Variants in GULP1 observed in about 807,000 individuals in gnomAD.
GULP1 encodes PTB domain-containing engulfment adapter protein 1.
Under a neutral mutation model 40.9 loss-of-function variants are expected in GULP1, and 19 were observed. That is an observed-to-expected ratio of 0.46 (90% CI 0.32 to 0.68). The LOEUF is 0.68. Ranked by LOEUF, GULP1 falls within the 30% of genes least tolerant of loss-of-function variation. The pLI is 0.03. For missense variants in GULP1, 312 were observed against 362.2 expected, an observed-to-expected ratio of 0.86 and a Z score of 1.12; for synonymous variants, 119 against 117.6, an observed-to-expected ratio of 1.01 and a Z score of -0.08.
At chr2:188,453,731 A>C (rs1487956976) in intron 2 of GULP1, among the ~76,000 whole-genome samples, 1 of 152,126 alleles carries the variant, frequency 6.6e-6, no homozygotes, top group Non-Finnish European at 1.5e-5. Flanking sequence ...CCCTTACTCA[A>C]CCTCACTGCA....
intron 2 of GULP1, among the ~76,000 whole-genome samples, chr2:188,391,514 G>A (rs748978239): frequency 6.6e-6 from 1 of 151,968 alleles, no homozygotes; most frequent in Non-Finnish European, 1.5e-5. Flanking sequence ...TTTTGGAGAA[G>A]TCTTCATGGT....
At chr2:188,513,569 G>A (rs1427989653) in intron 4 of GULP1, among the ~76,000 whole-genome samples, 1 of 152,112 alleles carries the variant, frequency 6.6e-6, no homozygotes, top group African/African-American at 2.4e-5. Flanking sequence ...TCTTGGCTGT[G>A]AGGTAAAAGT....
At chr2:188,515,876 G>A (rs1248827388) in intron 4 of GULP1, among the ~76,000 whole-genome samples, 3 of 152,060 alleles carry the variant, frequency 2.0e-5, no homozygotes, top group Non-Finnish European at 2.9e-5. Flanking sequence ...GTTATCTTCT[G>A]GGGGCTTAAT....
At chr2:188,374,252 TA>T (rs2048002504) in intron 1 of GULP1, among the ~76,000 whole-genome samples, 1 of 152,238 alleles carries the variant, frequency 6.6e-6, no homozygotes, top group African/African-American at 2.4e-5. Flanking sequence ...TATTATTTGC[TA>T]ATATTAGCTC....
rs1362088690 is a variant in GULP1, at chr2:188,595,043, C to CA, written c.*1037dup. The CA allele has an allele frequency of 8.6e-6, 1 of 116,608 alleles. No individual in the cohort carries two copies. Among genetic ancestry groups the CA allele is most frequent in the African/African-American group, 3.2e-5 (1 of 31,196 alleles). The allele number at this position is 116,608 out of a possible 1,614,324, so 7.2% of individuals were successfully genotyped here. On this transcript the variant is annotated 3_prime_UTR_variant, in exon 12 of 12. Coordinates refer to ENST00000409830, the MANE Select transcript of GULP1 (RefSeq NM_016315.4). ...CAATCTGTATTTGTTTTGTTAAAGT[C>CA]AAAAATCTCATTTTCCAAAAAAAAA...
At chr2:188,517,517 TC>T (rs1004801348) in intron 4 of GULP1, among the ~76,000 whole-genome samples, 3 of 152,110 alleles carry the variant, frequency 2.0e-5, no homozygotes, top group African/African-American at 4.8e-5. Context: ...CTGTTTTTTT[TC>T]CCCCAGTCTT....
At chr2:188,588,286 C>G (rs1254352192) in intron 11 of GULP1, 2 of 224,758 alleles carry the variant, frequency 8.9e-6, no homozygotes, top group Non-Finnish European at 1.8e-5. Flanking sequence ...TGATCTCAGT[C>G]TTAACAATTA....
At chr2:188,499,796 A>G (rs1207228097) in intron 4 of GULP1, among the ~76,000 whole-genome samples, 3 of 151,870 alleles carry the variant, frequency 2.0e-5, no homozygotes, top group African/African-American at 4.8e-5. Flanking sequence ...ATGTTAAAAC[A>G]TATACAGGTA....
intron 7 of GULP1, among the ~76,000 whole-genome samples, chr2:188,553,920 G>T (rs1265954059): frequency 6.6e-6 from 1 of 151,854 alleles, no homozygotes; most frequent in Non-Finnish European, 1.5e-5. Flanking sequence ...ACTCTAGATT[G>T]TTCAGATTGT....
At chr2:188,445,219 C>G (rs10192427) in intron 2 of GULP1, among the ~76,000 whole-genome samples, 8,128 of 151,970 alleles carry the variant, frequency 0.053, 715 homozygotes, top group African/African-American at 0.18. Flanking sequence ...CCTCAGCTTG[C>G]TAACTCTGTC....
chr2:188,402,191 A>G (rs2052391517), intron 2 of GULP1, among the ~76,000 whole-genome samples: 1 of 152,194 alleles, frequency 6.6e-6, no homozygotes, highest in South Asian at 2.1e-4. Context: ...TAATAACTTT[A>G]ATAAAAGGCT....
At chr2:188,454,637 A>G (rs949748615) in intron 2 of GULP1, among the ~76,000 whole-genome samples, 1 of 152,208 alleles carries the variant, frequency 6.6e-6, no homozygotes, top group Non-Finnish European at 1.5e-5. Context: ...AAAGGGTCTA[A>G]TTCAAATTGG....
chr2:188,352,612 T>TCACACACACA (rs1265583408), intron 1 of GULP1, among the ~76,000 whole-genome samples: 4 of 42,508 alleles, frequency 9.4e-5, no homozygotes, highest in African/African-American at 6.6e-4. Flanking sequence ...TCTCTCTCTC[T>TCACACACACA]CTCTCTCACA....
intron 2 of GULP1, among the ~76,000 whole-genome samples, chr2:188,409,045 A>G (rs1285350211): frequency 6.6e-6 from 1 of 152,170 alleles, no homozygotes; most frequent in Non-Finnish European, 1.5e-5. Flanking sequence ...AAAGAAAGAA[A>G]AAGAAGCAAC....
chr2:188,489,088 G>A (rs758199723), intron 4 of GULP1, among the ~76,000 whole-genome samples: 22 of 151,740 alleles, frequency 1.4e-4, no homozygotes, highest in Non-Finnish European at 2.2e-4. Flanking sequence ...TATTAAGATT[G>A]GTATATGACC....
chr2:188,388,277 C>T (rs1395357834), intron 2 of GULP1, among the ~76,000 whole-genome samples: 2 of 151,552 alleles, frequency 1.3e-5, no homozygotes, highest in Admixed American at 1.3e-4. Context: ...GCCTGTAATT[C>T]CAGCACTTTG....
At chr2:188,487,632 A>AAATAC (rs1553566645) in intron 4 of GULP1, among the ~76,000 whole-genome samples, 13 of 151,734 alleles carry the variant, frequency 8.6e-5, no homozygotes, top group Non-Finnish European at 1.5e-5. Context: ...TCAAATATAG[A>AAATAC]AATATAACGC....
intron 1 of GULP1, among the ~76,000 whole-genome samples, chr2:188,337,625 T>C (rs1327788723): frequency 6.6e-6 from 1 of 151,786 alleles, no homozygotes; most frequent in Non-Finnish European, 1.5e-5. Flanking sequence ...GCTTATAAAA[T>C]AGTGTGTTGT....
intron 9 of GULP1, among the ~76,000 whole-genome samples, chr2:188,578,802 A>C (rs1167483335): frequency 1.3e-5 from 2 of 152,156 alleles, no homozygotes; most frequent in Non-Finnish European, 2.9e-5. Context: ...TTTGGTTCCT[A>C]GCCATCTGTC....
Sources: gnomAD v4.1 joint callset for allele counts (sites outside exome capture counted in the v4.1 genomes callset) on GRCh38, gnomAD v4.1.1 for gene constraint, MANE v1.5 for transcripts, NCBI Gene and HGNC (gene_info 2026-07-23, HGNC 2026-07-21) for gene names.